The following FAM114A1 variants were observed in gnomAD, a reference collection of about 807,000 sequenced individuals.
The protein encoded by FAM114A1 is family with sequence similarity 114 member A1.
Under a neutral mutation model 64.3 loss-of-function variants are expected in FAM114A1, and 62 were observed. The observed-to-expected ratio is 0.96, with a 90% confidence interval of 0.79 to 1.19. FAM114A1 has a LOEUF of 1.19. Ranked by LOEUF, FAM114A1 falls within the 50% of genes most tolerant of loss-of-function variation. The pLI is 0.00. For missense variants in FAM114A1, 645 were observed against 676.3 expected, an observed-to-expected ratio of 0.95 and a Z score of 0.51; for synonymous variants, 254 against 251.1, an observed-to-expected ratio of 1.01 and a Z score of -0.11.
chr4:38,913,337 G>C (rs1406372257), intron 7 of FAM114A1, among the ~76,000 whole-genome samples: 1 of 152,164 alleles, frequency 6.6e-6, no homozygotes, highest in Non-Finnish European at 1.5e-5. Context: ...ATGGGGAGAG[G>C]AAACTTGGTT....
chr4:38,884,855 G>A (rs1715637568), intron 3 of FAM114A1, among the ~76,000 whole-genome samples: 1 of 152,186 alleles, frequency 6.6e-6, no homozygotes, highest in African/African-American at 2.4e-5. Flanking sequence ...TTGAAAGATG[G>A]ATGGAAGACC....
intron 9 of FAM114A1, 187 bp from the exon 10 acceptor site, chr4:38,929,055 G>A: frequency 1.7e-6 from 1 of 574,788 alleles, no homozygotes; most frequent in Non-Finnish European, 3.2e-6. Context: ...CCTGCACCCG[G>A]ATGCATCTGC....
At chr4:38,937,655 A>G (rs186607293) in intron 13 of FAM114A1, among the ~76,000 whole-genome samples, 1 of 152,298 alleles carries the variant, frequency 6.6e-6, no homozygotes, top group Admixed American at 6.5e-5. Flanking sequence ...ATTCTAAAAA[A>G]TTTAGACAGA....
intron 4 of FAM114A1, among the ~76,000 whole-genome samples, chr4:38,898,286 T>C (rs1717144661): frequency 6.6e-6 from 1 of 152,204 alleles, no homozygotes; most frequent in African/African-American, 2.4e-5. Context: ...ATATTTACTT[T>C]TTCCAAAATT....
chr4:38,901,825 T>G (rs1407962463), intron 4 of FAM114A1, among the ~76,000 whole-genome samples: 1 of 152,168 alleles, frequency 6.6e-6, no homozygotes. Context: ...AGCACAGGGA[T>G]GATCCTAAAA....
rs778231131 is a variant in FAM114A1 at position 38,905,821 on chromosome 4, G to C, written c.617G>C (p.Arg206Pro). The change falls in exon 6 of 15, where the codon CGG becomes CCG. Residue 206 changes from arginine to proline, a missense_variant. Arg to Pro is a moderately radical substitution (Grantham distance 103). Transcript: ENST00000358869. ...SPPTSPSSAS[R>P]GMLSAITNVV... ...CCCACTTCCCCTTCATCAGCCTCTC[G>C]GGGTATGCTGTCTGCCATCACCAAT... 1 of 1,613,890 alleles carries C rather than the reference G, an allele frequency of 6.2e-7. No individual in the cohort carries two copies. Among genetic ancestry groups the C allele is most frequent in the Non-Finnish European group, 8.5e-7 (1 of 1,179,992 alleles).
chr4:38,891,116 A>G (rs140997790), intron 3 of FAM114A1, among the ~76,000 whole-genome samples: 92 of 152,330 alleles, frequency 6.0e-4, no homozygotes, highest in African/African-American at 2.2e-3. Flanking sequence ...AAACCTAGGC[A>G]AACGAATTGG....
chr4:38,910,374 T>A (rs1218421161), intron 7 of FAM114A1, among the ~76,000 whole-genome samples: 1 of 152,148 alleles, frequency 6.6e-6, no homozygotes, highest in South Asian at 2.1e-4. Flanking sequence ...TCTCACAAAG[T>A]GCAGCATGAA....
chr4:38,868,591 G>C (rs1321837755), intron 2 of FAM114A1, 45 bp downstream of exon 2: 1 of 152,384 alleles, frequency 6.6e-6, no homozygotes, highest in Non-Finnish European at 1.5e-5. Flanking sequence ...GAACGTCACT[G>C]CCTTTTCTTA....
chr4:38,892,222 G>A (rs6851685), intron 4 of FAM114A1, among the ~76,000 whole-genome samples: 13 of 151,976 alleles, frequency 8.6e-5, no homozygotes, highest in Admixed American at 5.9e-4. Context: ...AGTGCACAAC[G>A]CATCTACTCC....
chr4:38,919,336 C>G (rs1719362816), intron 8 of FAM114A1, among the ~76,000 whole-genome samples: 2 of 152,194 alleles, frequency 1.3e-5, no homozygotes, highest in Admixed American at 1.3e-4. Flanking sequence ...TGCCTCCTAT[C>G]TGCAGCTCTA....
In FAM114A1 at chr4:38,905,785, C is replaced by T. The variant is rs779553902; in HGVS notation, c.581C>T (p.Ala194Val). The change falls in exon 6 of 15, where the codon GCA becomes GTA. Residue 194 changes from alanine to valine, a missense_variant. Physicochemically the swap from Ala to Val is moderately conservative, Grantham distance 64 (BLOSUM62 0). Coordinates refer to ENST00000358869, the MANE Select transcript of FAM114A1 (RefSeq NM_138389.4). ...GATGCAGCCACAGATCAGGGCCCTG[C>T]AGAAAGCCCACCCACTTCCCCTTCA... The part of the protein sequence containing the change: ...ITDAATDQGP[A>V]ESPPTSPSSA... The T allele has an allele frequency of 1.9e-6, 3 of 1,614,008 alleles. No homozygotes were observed. In the South Asian group the frequency reaches 3.3e-5, roughly 18 times the overall value.
chr4:38,940,817 G>A lies in FAM114A1; in HGVS notation c.1537-151G>A, dbSNP rs370961871. Reference sequence around the variant, plus strand: ...AATGAGACTAAAAAGGTGCAGCAGCGGGTATGAAGCCTGGTCTGTAGGAAG... The same window carrying A: ...AATGAGACTAAAAAGGTGCAGCAGCAGGTATGAAGCCTGGTCTGTAGGAAG... On this transcript the variant is annotated intron_variant, in intron 13 of 14. Coordinates refer to ENST00000358869, the MANE Select transcript of FAM114A1 (RefSeq NM_138389.4). 1.9e-4 allele frequency: 136 copies of A among 713,886 alleles called. 1 individual carries two copies. The highest frequency in any genetic ancestry group is 1.2e-3 in the East Asian group (46 of 37,340). 44.2% of individuals were successfully genotyped at this position (713,886 alleles called of 1,614,324 possible).
intron 3 of FAM114A1, among the ~76,000 whole-genome samples, chr4:38,885,927 A>G (rs532400515): frequency 9.8e-5 from 15 of 152,352 alleles, no homozygotes; most frequent in Admixed American, 2.0e-4. Context: ...GATGGTAAAA[A>G]GGAAAAAAAG....
chr4:38,900,397 T>C (rs899854579), intron 4 of FAM114A1, among the ~76,000 whole-genome samples: 1 of 152,156 alleles, frequency 6.6e-6, no homozygotes, highest in African/African-American at 2.4e-5. Context: ...CTTCTGATTA[T>C]ATTTCCAAAA....
intron 6 of FAM114A1, among the ~76,000 whole-genome samples, chr4:38,908,275 C>A (rs1327506208): frequency 6.6e-6 from 1 of 152,040 alleles, no homozygotes; most frequent in Non-Finnish European, 1.5e-5. Context: ...AATTTTATGT[C>A]TTAGATACAC....
intron 4 of FAM114A1, 80 bp from the exon 5 acceptor site, chr4:38,905,442 C>A: frequency 1.3e-5 from 13 of 1,008,072 alleles, no homozygotes; most frequent in African/African-American, 3.3e-5. Flanking sequence ...CAACTTGAAA[C>A]AGCTTTGTAA....
At chr4:38,891,006 C>T (rs775551980) in intron 3 of FAM114A1, among the ~76,000 whole-genome samples, 16 of 152,136 alleles carry the variant, frequency 1.1e-4, no homozygotes, top group Non-Finnish European at 1.9e-4. Flanking sequence ...TCTTAGTCTG[C>T]GTGGTGGATA....
At chr4:38,908,939 T>C (rs2109691506) in intron 7 of FAM114A1, among the ~76,000 whole-genome samples, 1 of 152,264 alleles carries the variant, frequency 6.6e-6, no homozygotes, top group African/African-American at 2.4e-5. Flanking sequence ...AAGGATTCTA[T>C]CAGAGACCGC....
Sources: gnomAD v4.1 joint callset for allele counts (sites outside exome capture counted in the v4.1 genomes callset) on GRCh38, gnomAD v4.1.1 for gene constraint, MANE v1.5 for transcripts, NCBI Gene and HGNC (gene_info 2026-07-23, HGNC 2026-07-21) for gene names.